Variants in MYRIP observed in about 807,000 individuals in gnomAD.
MYRIP encodes myosin VIIA and Rab interacting protein, also known as rab effector MyRIP.
Under a neutral mutation model 98.0 loss-of-function variants are expected in MYRIP, and 49 were observed. The observed-to-expected ratio is 0.50, with a 90% CI of 0.40 to 0.63. MYRIP has a LOEUF of 0.63. MYRIP is among the 30% of genes least tolerant of loss of function. MYRIP has a pLI of 0.00. For synonymous variants in MYRIP, 404 were observed against 409.5 expected, an observed-to-expected ratio of 0.99 and a Z score of 0.16; for missense variants, 1,004 against 1,058.2, an observed-to-expected ratio of 0.95 and a Z score of 0.71.
intron 12 of MYRIP, among the ~76,000 whole-genome samples, chr3:40,236,214 A>G (rs1333366640): frequency 6.6e-6 from 1 of 152,230 alleles, no homozygotes; most frequent in Non-Finnish European, 1.5e-5. Flanking sequence ...GCTGTAGCCT[A>G]GGAGCAATAG....
intron 2 of MYRIP, among the ~76,000 whole-genome samples, chr3:40,008,387 T>A (rs1057416901): frequency 6.6e-6 from 1 of 152,250 alleles, no homozygotes; most frequent in African/African-American, 2.4e-5. Flanking sequence ...TAACATATTT[T>A]AAAATGAAGC....
At chr3:40,153,697 G>T (rs1462733832) in intron 4 of MYRIP, among the ~76,000 whole-genome samples, 1 of 152,158 alleles carries the variant, frequency 6.6e-6, no homozygotes, top group Non-Finnish European at 1.5e-5. Context: ...TCTATCTAAT[G>T]GTACTTATTT....
At chr3:39,857,833 A>G (rs1273391628) in intron 1 of MYRIP, among the ~76,000 whole-genome samples, 1 of 152,192 alleles carries the variant, frequency 6.6e-6, no homozygotes, top group Non-Finnish European at 1.5e-5. Flanking sequence ...TATTATAGCT[A>G]TAAGGTATTT....
chr3:39,879,208 CT>C (rs1432005524), intron 1 of MYRIP, among the ~76,000 whole-genome samples: 13 of 151,188 alleles, frequency 8.6e-5, no homozygotes, highest in African/African-American at 3.2e-4. Context: ...AGTTGTTATC[CT>C]TTCTTATTCT....
chr3:39,948,670 TTGAG>T (rs1944949218), intron 2 of MYRIP, among the ~76,000 whole-genome samples: 2 of 151,220 alleles, frequency 1.3e-5, no homozygotes, highest in South Asian at 4.2e-4. Flanking sequence ...AAAGAGAGGA[TTGAG>T]TGAGAGAGGC....
At chr3:39,841,346 C>T (rs1941793408) in intron 1 of MYRIP, among the ~76,000 whole-genome samples, 1 of 152,206 alleles carries the variant, frequency 6.6e-6, no homozygotes, top group Admixed American at 6.5e-5. Flanking sequence ...GTTAGCAGTT[C>T]CTGTAACCTT....
chr3:39,918,829 T>C (rs1299874589), intron 2 of MYRIP, among the ~76,000 whole-genome samples: 1 of 151,882 alleles, frequency 6.6e-6, no homozygotes, highest in Non-Finnish European at 1.5e-5. Flanking sequence ...AAGAGGAGGG[T>C]GGTAGCAAAG....
chr3:40,107,918 C>A lies in MYRIP; in HGVS notation c.333-43130C>A, dbSNP rs539466119. On this transcript the variant is annotated intron_variant, in intron 3 of 16. Coordinates refer to ENST00000302541, the MANE Select transcript of MYRIP (RefSeq NM_015460.4). ...CTATCACAAAGCATTCTGCTATTATCCCAAGTTAATTGGGAGTCATCTTTC... is the reference window on the plus strand; with the variant it reads ...CTATCACAAAGCATTCTGCTATTATACCAAGTTAATTGGGAGTCATCTTTC... Among the ~76,000 whole-genome samples the A allele has an allele frequency of 3.9e-5, 6 of 152,320 alleles. 1 individual carries two copies. The highest frequency in any genetic ancestry group is 1.4e-4 in the African/African-American group (6 of 41,580).
intron 8 of MYRIP, among the ~76,000 whole-genome samples, chr3:40,176,084 T>A (rs555256555): frequency 1.3e-5 from 2 of 152,300 alleles, no homozygotes; most frequent in East Asian, 3.9e-4. Flanking sequence ...ATGAAGGTAG[T>A]AATAAGTGGG....
At chr3:39,876,943 A>G (rs1467935646) in intron 1 of MYRIP, among the ~76,000 whole-genome samples, 2 of 152,196 alleles carry the variant, frequency 1.3e-5, no homozygotes, top group South Asian at 2.1e-4. Flanking sequence ...GTGTTTTCCA[A>G]CTTGGTTTGA....
intron 16 of MYRIP, among the ~76,000 whole-genome samples, chr3:40,252,860 A>T (rs1023070824): frequency 3.3e-5 from 5 of 152,198 alleles, no homozygotes; most frequent in Non-Finnish European, 7.3e-5. Flanking sequence ...ACCCTAGGAA[A>T]CAACCTTCCT....
chr3:39,970,790 G>A (rs111481342), intron 2 of MYRIP, among the ~76,000 whole-genome samples: 128 of 152,176 alleles, frequency 8.4e-4, no homozygotes, highest in Admixed American at 3.1e-3. Context: ...GTGTCTACAT[G>A]TGTAATTTCT....
At position 40,015,688 on chromosome 3, in the gene MYRIP, C is replaced by T. The variant is rs1381536226; in HGVS notation, c.111-28362C>T. ...TTGTCATCATCTGCTGTTCCTCCCT[C>T]AGCCCTCAGTGTGTATCTGCAGCAG... On this transcript the variant is annotated intron_variant, in intron 2 of 16. Transcript: ENST00000302541. 3.3e-5 allele frequency among the ~76,000 whole-genome samples: 5 copies of T among 152,370 alleles called. No individual in the cohort carries two copies. In the East Asian group the frequency reaches 9.6e-4, roughly 29 times the overall value.
chr3:39,984,800 A>C (rs201170118), intron 2 of MYRIP, among the ~76,000 whole-genome samples: 13,347 of 151,718 alleles, frequency 0.088, 1,404 homozygotes, highest in African/African-American at 0.25. Context: ...AGGAATCGCC[A>C]CACTGACTTC....
intron 2 of MYRIP, among the ~76,000 whole-genome samples, chr3:39,990,005 G>A (rs1022911405): frequency 3.3e-5 from 5 of 152,194 alleles, no homozygotes; most frequent in Non-Finnish European, 7.3e-5. Flanking sequence ...TAGACAGCAG[G>A]CAACTGCAGC....
At chr3:39,883,891 CA>C (rs1243788016) in intron 1 of MYRIP, among the ~76,000 whole-genome samples, 3 of 151,956 alleles carry the variant, frequency 2.0e-5, no homozygotes, top group Admixed American at 6.6e-5. Context: ...GGAAGAAAAA[CA>C]GATTCAAAAA....
intron 2 of MYRIP, among the ~76,000 whole-genome samples, chr3:39,907,449 C>T (rs997175471): frequency 3.3e-5 from 5 of 152,012 alleles, no homozygotes; most frequent in Non-Finnish European, 5.9e-5. Context: ...ACTTCCAGGT[C>T]GGGGCACTTA....
chr3:40,065,809 G>C (rs1388138438), intron 3 of MYRIP, among the ~76,000 whole-genome samples: 2 of 152,134 alleles, frequency 1.3e-5, no homozygotes, highest in Admixed American at 6.6e-5. Context: ...CTGAAGGGCA[G>C]GATCTGGTCT....
chr3:39,895,767 TCAGA>T (rs1169630695), intron 1 of MYRIP, among the ~76,000 whole-genome samples: 1 of 152,116 alleles, frequency 6.6e-6, no homozygotes, highest in Non-Finnish European at 1.5e-5. Context: ...TGTCAAAAAG[TCAGA>T]CAGTTTTGAA....
Sources: gnomAD v4.1 joint callset for allele counts (sites outside exome capture counted in the v4.1 genomes callset) on GRCh38, gnomAD v4.1.1 for gene constraint, MANE v1.5 for transcripts, NCBI Gene and HGNC (gene_info 2026-07-23, HGNC 2026-07-21) for gene names.